TCHH: variants seen among roughly 807,000 people sequenced by gnomAD.
TCHH encodes trichohyalin.
TCHH carries 6 observed loss-of-function variants against 6.3 expected under a neutral mutation model. The ratio of observed to expected loss-of-function variants is 0.95; its 90% CI spans 0.52 to 1.88. The LOEUF (loss-of-function observed/expected upper bound fraction) is 1.88. Ranked by LOEUF, TCHH falls within the 40% of genes most tolerant of loss-of-function variation. The pLI, the probability that TCHH is intolerant of heterozygous loss-of-function variation, is 0.01. For missense variants in TCHH, 2,920 were observed against 2,449.1 expected (o/e 1.19, Z -4.06); for synonymous variants, 1,087 against 963.6 (o/e 1.13, Z -2.37).
At position 152,112,677 on chromosome 1, in the gene TCHH, C is replaced by T; in HGVS notation, c.540G>A (p.Trp180Ter). ...DEELWRQRQE[W>*]QEREERRAEE... Reference sequence around the variant, plus strand: ...CTGCACGGCGCTCTTCCCGTTCTTGCCATTCTTGCCTTTGCCGCCACAGCT... The same window carrying T: ...CTGCACGGCGCTCTTCCCGTTCTTGTCATTCTTGCCTTTGCCGCCACAGCT... Residue 180 changes from tryptophan to a stop codon, truncating the protein, a stop_gained, in exon 3 of 3, where the codon TGG (tryptophan) becomes TGA (stop). Coordinates refer to ENST00000614923, the MANE Select transcript of TCHH (RefSeq NM_007113.4). LOFTEE classifies it low-confidence loss of function (END_TRUNC). The T allele has an allele frequency of 1.2e-6, 2 of 1,614,100 alleles. No individual in the cohort carries two copies. The highest frequency in any genetic ancestry group is 1.7e-6 in the Non-Finnish European group (2 of 1,180,032).
chr1:152,111,194 C>G lies in TCHH; in HGVS notation c.2023G>C (p.Glu675Gln), dbSNP rs1267715279. 6 of 1,610,770 alleles carry G rather than the reference C, an allele frequency of 3.7e-6. No homozygotes were observed. The African/African-American group carries it at 6.8e-5, about 18-fold the overall frequency. ...EERLEQRLKR[E>Q]HEEERREQEL... ...TGCTCGCGCCTCTCTTCCTCATGCT[C>G]GCGCTTCAGCCGCTGCTCGAGCCTC... The change falls in exon 3 of 3, where the codon GAG becomes CAG. Residue 675 changes from glutamate (E) to glutamine (Q), a missense_variant. Transcript: ENST00000614923.
In TCHH at chr1:152,112,478, TC is replaced by T; in HGVS notation, c.738del (p.Trp246Ter). The T allele has an allele frequency of 6.2e-7, 1 of 1,613,240 alleles. No homozygotes were observed. Among genetic ancestry groups the T allele is most frequent in the East Asian group, 2.2e-5 (1 of 44,844 alleles). ...RVFQEEEEKE[W>X]RKRETVLRKE... is the part of the protein sequence containing the mutation. ...TTCCGGAGCACTGTCTCGCGCTTCCTCCACTCTTTCTCTTCTTCCTCCTGGA... is the reference window on the plus strand; with the variant it reads ...TTCCGGAGCACTGTCTCGCGCTTCCTCACTCTTTCTCTTCTTCCTCCTGGA... On this transcript the variant is annotated frameshift_variant, in exon 3 of 3. Transcript: ENST00000614923. LOFTEE classifies it low-confidence loss of function (END_TRUNC).
chr1:152,111,828 C>G lies in TCHH; in HGVS notation c.1389G>C (p.Glu463Asp), dbSNP rs1458413031. ...ERRDWLKREE[E>D]TERHEQERRK... ...GCCTCTCCTGCTCGTGCCTCTCCGT[C>G]TCCTCCTCGCGCTTCAGCCAATCGC... Residue 463 changes from glutamate (E) to aspartate (D), a missense_variant, in exon 3 of 3, where the codon GAG becomes GAC. By Grantham distance (45) the Glu-to-Asp change is conservative. Transcript: ENST00000614923. 6.2e-7 allele frequency: 1 copy of G among 1,604,808 alleles called. No homozygotes were observed.
In TCHH at chr1:152,109,338, GA is replaced by G; in HGVS notation, c.3878del (p.Phe1293SerfsTer29). On this transcript the variant is annotated frameshift_variant, in exon 3 of 3. Coordinates refer to ENST00000614923, the MANE Select transcript of TCHH (RefSeq NM_007113.4). LOFTEE classifies it low-confidence loss of function (END_TRUNC). ...CTCGCTCCAGCTGTTCTTCCTCTGG[GA>G]AATGCCTGTCGCGCTGCTGCCAGCG... is the stretch of plus-strand genomic sequence containing the variant. ...RRRWQQRDRH[F>X]PEEEQLEREE... is the part of the protein sequence containing the mutation. 6.2e-7 allele frequency: 1 copy of G among 1,614,172 alleles called. No homozygotes were observed. Among genetic ancestry groups the G allele is most frequent in the South Asian group, 1.1e-5 (1 of 91,078 alleles).
chr1:152,109,617 C>G lies in TCHH; in HGVS notation c.3600G>C (p.Arg1200=). 6.2e-7 allele frequency: 1 copy of G among 1,614,176 alleles called. No individual in the cohort carries two copies. ...TCTGGCGCTGAAGCTCTTCCTCCTCCCGATACTGCCTCTCCCGCTCCTGGC... is the reference window on the plus strand; with the variant it reads ...TCTGGCGCTGAAGCTCTTCCTCCTCGCGATACTGCCTCTCCCGCTCCTGGC... ...KRRQERERQY[R]EEEELQRQKR... The change falls in exon 3 of 3, where the codon CGG becomes CGC. Residue 1200 remains arginine, a synonymous_variant. Coordinates refer to ENST00000614923, the MANE Select transcript of TCHH (RefSeq NM_007113.4).
At position 152,107,594 on chromosome 1, in the gene TCHH, CCTGGCGACGTTT is replaced by C. The variant is rs990671148; in HGVS notation, c.5611_5622del (p.Lys1871_Gln1874del). On this transcript the variant is annotated inframe_deletion, in exon 3 of 3. Coordinates refer to ENST00000614923, the MANE Select transcript of TCHH (RefSeq NM_007113.4). Reference sequence around the variant, plus strand: ...TCTTCCCGTAATTTCCTTTCCCGTTCCTGGCGACGTTTCTGCTCCTCTTCTTGCCATAGTTCT... The same window carrying C: ...TCTTCCCGTAATTTCCTTTCCCGTTCCTGCTCCTCTTCTTGCCATAGTTCT... 2 of 1,613,994 alleles carry C rather than the reference CCTGGCGACGTTT, an allele frequency of 1.2e-6. No homozygotes were observed. Among genetic ancestry groups the C allele is most frequent in the African/African-American group, 1.3e-5 (1 of 74,906 alleles).
rs754765719 is a variant in TCHH, at chr1:152,107,855, G to A, written c.5362C>T (p.Leu1788=). The A allele has an allele frequency of 6.2e-7, 1 of 1,613,988 alleles. No homozygotes were observed. Among genetic ancestry groups the A allele is most frequent in the Non-Finnish European group, 8.5e-7 (1 of 1,179,966 alleles). The change falls in exon 3 of 3, where the codon CTG becomes TTG. Residue 1788 remains leucine (L), a synonymous_variant. Coordinates refer to ENST00000614923, the MANE Select transcript of TCHH (RefSeq NM_007113.4). ...TTTCTGTCAGACTCTTGGCTGCGCA[G>A]CTGCTGTTCCTCCCTCTCCTGGCGG... ...QLRQEREEQQ[L]RSQESDRKFR...
rs773614552 is a variant in TCHH at position 152,108,563 on chromosome 1, C to G, written c.4654G>C (p.Asp1552His). 6.2e-7 allele frequency: 1 copy of G among 1,610,392 alleles called. No homozygotes were observed. Among genetic ancestry groups the G allele is most frequent in the South Asian group, 1.1e-5 (1 of 90,792 alleles). The change falls in exon 3 of 3, where the codon GAC (aspartate) becomes CAC (histidine). Residue 1552 changes from aspartate (D) to histidine (H), a missense_variant. Asp to His is a moderately conservative substitution (Grantham distance 81). Transcript: ENST00000614923. ...TCCTCGCGGAATTTTCTGTCACGGT[C>G]CTGACGCCGCTGTTGCCCGCGCTCC... is the stretch of plus-strand genomic sequence containing the variant. ...RQERGQQRRQ[D>H]RDRKFREEEQ...
rs759918321 is a variant in TCHH at position 152,111,837 on chromosome 1, G to C, written c.1380C>G (p.Arg460=). 6.7e-7 allele frequency: 1 copy of C among 1,496,404 alleles called. No homozygotes were observed. The highest frequency in any genetic ancestry group is 2.1e-5 in the Admixed American group (1 of 47,374). 92.7% of individuals were successfully genotyped at this position (1,496,404 alleles called of 1,614,324 possible). Residue 460 remains arginine, a synonymous_variant, in exon 3 of 3, where the codon CGC becomes CGG. Transcript: ENST00000614923. ...GCTCGTGCCTCTCCGTCTCCTCCTC[G>C]CGCTTCAGCCAATCGCGCCTCTCCT... ...EQEERRDWLK[R]EEETERHEQE... is the part of the protein sequence containing the mutation.
In TCHH at chr1:152,109,110, A is replaced by G. The variant is rs1658225516; in HGVS notation, c.4107T>C (p.His1369=). 1 of 1,602,216 alleles carries G rather than the reference A, an allele frequency of 6.2e-7. No homozygotes were observed. The highest frequency in any genetic ancestry group is 8.5e-7 in the Non-Finnish European group (1 of 1,177,050). Residue 1369 remains histidine, a synonymous_variant, in exon 3 of 3, where the codon CAT becomes CAC. Coordinates refer to ENST00000614923, the MANE Select transcript of TCHH (RefSeq NM_007113.4). Reference sequence around the variant, plus strand: ...CGAGGAATTTTCTCCCTTGTTCCTGATGGCGCAGTTCCTCTTCGCGGAATT... The same window carrying G: ...CGAGGAATTTTCTCCCTTGTTCCTGGTGGCGCAGTTCCTCTTCGCGGAATT... The part of the protein sequence containing the change: ...DRKFREEELR[H]QEQGRKFLEE...
intron 2 of TCHH, among the ~76,000 whole-genome samples, chr1:152,113,441 A>C (rs1031256731): frequency 6.6e-6 from 1 of 152,216 alleles, no homozygotes; most frequent in Non-Finnish European, 1.5e-5. Context: ...CTCAACATCA[A>C]GAAAGAATAA....
In TCHH at chr1:152,112,807, C is replaced by T. The variant is rs1207152589; in HGVS notation, c.410G>A (p.Arg137His). 1.2e-6 allele frequency: 2 copies of T among 1,613,946 alleles called. No individual in the cohort carries two copies. The highest frequency in any genetic ancestry group is 2.2e-5 in the East Asian group (1 of 44,824). The change falls in exon 3 of 3, where the codon CGC (arginine) becomes CAC (histidine). Residue 137 changes from arginine to histidine, a missense_variant. Physicochemically the swap from Arg to His is conservative, Grantham distance 29. Transcript: ENST00000614923. ...RQLEEEPGQRRRQKRQEQERE... is the reference protein window; with the variant it reads ...RQLEEEPGQRHRQKRQEQERE... The stretch of plus-strand genomic sequence containing the variant: ...CTCCTGTTCCTGCCTCTTCTGCCTG[C>T]GTCGTTGCCCAGGTTCTTCTTCCAG...
At position 152,110,213 on chromosome 1, in the gene TCHH, GCT is replaced by G. The variant is rs1279398529; in HGVS notation, c.3002_3003del (p.Glu1001AlafsTer216). ...REEEELQQEEEQLLREEREKR... is the reference protein window; with the variant it reads ...REEEELQQEEXQLLREEREKR... Reference sequence around the variant, plus strand: ...TTCTCCCGTTCCTCTCTCAGCAGCTGCTCTTCCTCCTGCTGCAACTCCTCTTC... The same window carrying G: ...TTCTCCCGTTCCTCTCTCAGCAGCTGCTTCCTCCTGCTGCAACTCCTCTTC... On this transcript the variant is annotated frameshift_variant, in exon 3 of 3. Coordinates refer to ENST00000614923, the MANE Select transcript of TCHH (RefSeq NM_007113.4). LOFTEE classifies it low-confidence loss of function (END_TRUNC). 1 of 1,605,822 alleles carries G rather than the reference GCT, an allele frequency of 6.2e-7. No individual in the cohort carries two copies.
chr1:152,113,141 C>T, intron 2 of TCHH, 63 bp from the exon 3 acceptor site: 2 of 1,408,746 alleles, frequency 1.4e-6, no homozygotes, highest in South Asian at 2.8e-5. Context: ...AAATTATATT[C>T]ACACATGATA....
chr1:152,111,127 A>G lies in TCHH; in HGVS notation c.2090T>C (p.Ile697Thr), dbSNP rs1658325890. The G allele has an allele frequency of 1.2e-6, 2 of 1,613,012 alleles. No homozygotes were observed. The highest frequency in any genetic ancestry group is 2.2e-5 in the South Asian group (2 of 91,048). The change falls in exon 3 of 3, where the codon ATT becomes ACT. Residue 697 changes from isoleucine (I) to threonine (T), a missense_variant. Coordinates refer to ENST00000614923, the MANE Select transcript of TCHH (RefSeq NM_007113.4). ...EEEQEQARER[I>T]KSRIPKWQWQ... ...CTGCCACTTCGGGATGCGGCTCTTAATCCGCTCCCGGGCCTGTTCCTGCTC... is the reference window on the plus strand; with the variant it reads ...CTGCCACTTCGGGATGCGGCTCTTAGTCCGCTCCCGGGCCTGTTCCTGCTC...
rs2496256 is a variant in TCHH at position 152,109,633 on chromosome 1, C to T, written c.3584G>A (p.Arg1195Gln). The change falls in exon 3 of 3, where the codon CGG becomes CAG. Residue 1195 changes from arginine to glutamine, a missense_variant. Arg to Gln is a conservative substitution (Grantham distance 43). Coordinates refer to ENST00000614923, the MANE Select transcript of TCHH (RefSeq NM_007113.4). ...REEQEKRRQERERQYREEEEL... is the reference protein window; with the variant it reads ...REEQEKRRQEQERQYREEEEL... ...TTCCTCCTCCCGATACTGCCTCTCC[C>T]GCTCCTGGCGCCTTTTCTCCTGTTC... 2 of 1,613,262 alleles carry T rather than the reference C, an allele frequency of 1.2e-6. No individual in the cohort carries two copies. Among genetic ancestry groups the T allele is most frequent in the Non-Finnish European group, 8.5e-7 (1 of 1,179,678 alleles).
Position 152,109,598 on chromosome 1 carries a change from G to C in TCHH, c.3619C>G (p.Arg1207Gly). Residue 1207 changes from arginine (R) to glycine (G), a missense_variant, in exon 3 of 3, where the codon CGC (arginine) becomes GGC (glycine). Transcript: ENST00000614923. ...RQYREEEELQ[R>G]QKRKQRYRDE... ...CGGTATCGCTGCTTCCTTTTCTGGC[G>C]CTGAAGCTCTTCCTCCTCCCGATAC... 1 of 1,614,170 alleles carries C rather than the reference G, an allele frequency of 6.2e-7. No homozygotes were observed. Among genetic ancestry groups the C allele is most frequent in the Non-Finnish European group, 8.5e-7 (1 of 1,180,034 alleles).
rs754912985 is a variant in TCHH, at chr1:152,108,461, G to T, written c.4756C>A (p.Gln1586Lys). ...TCTTGTTCCTGGCGGCGCACTTTCT[G>T]TTCCTCTAAACGGAATTTTCTGTCA... is the stretch of plus-strand genomic sequence containing the variant. Reference protein sequence around the residue: ...ERDRKFRLEEQKVRRQEQERK... With the variant: ...ERDRKFRLEEKKVRRQEQERK... The change falls in exon 3 of 3, where the codon CAG becomes AAG. Residue 1586 changes from glutamine (Q) to lysine (K), a missense_variant. Transcript: ENST00000614923. 6.2e-7 allele frequency: 1 copy of T among 1,613,006 alleles called. No homozygotes were observed. Among genetic ancestry groups the T allele is most frequent in the African/African-American group, 1.3e-5 (1 of 74,544 alleles).
chr1:152,110,250 T>A lies in TCHH; in HGVS notation c.2967A>T (p.Lys989Asn). The A allele has an allele frequency of 6.2e-7, 1 of 1,605,308 alleles. No individual in the cohort carries two copies. The change falls in exon 3 of 3, where the codon AAA (lysine) becomes AAT (asparagine). Residue 989 changes from lysine (K) to asparagine (N), a missense_variant. Physicochemically the swap from Lys to Asn is moderately conservative, Grantham distance 94. Coordinates refer to ENST00000614923, the MANE Select transcript of TCHH (RefSeq NM_007113.4). ...EKRRRQEREK[K>N]YREEEELQQE... ...GCTGCAACTCCTCTTCCTCGCGGTA[T>A]TTTTTCTCCCGCTCCTGGCGCCTTC...
Sources: gnomAD v4.1 joint callset for allele counts (sites outside exome capture counted in the v4.1 genomes callset) on GRCh38, gnomAD v4.1.1 for gene constraint, MANE v1.5 for transcripts, NCBI Gene and HGNC (gene_info 2026-07-23, HGNC 2026-07-21) for gene names.